CALN1: variants seen among roughly 807,000 people sequenced by gnomAD.
CALN1 encodes calcium-binding protein 8.
In CALN1, 17 loss-of-function variants were observed where a neutral mutation model predicts 30.6. That is an observed-to-expected ratio of 0.56 (90% CI 0.38 to 0.83). The LOEUF is 0.83. Ranked by LOEUF, CALN1 falls within the 40% of genes least tolerant of loss-of-function variation. The pLI is 0.00. For synonymous variants in CALN1, 156 were observed against 131.4 expected (o/e 1.19, Z -1.28); for missense variants, 291 against 354.9 (o/e 0.82, Z 1.45).
At chr7:72,313,981 C>A (rs531172310) in intron 2 of CALN1, among the ~76,000 whole-genome samples, 1 of 152,160 alleles carries the variant, frequency 6.6e-6, no homozygotes, top group Admixed American at 6.5e-5. Flanking sequence ...GACAACAGGG[C>A]AGACAGACAG....
intron 5 of CALN1, among the ~76,000 whole-genome samples, chr7:71,883,991 G>A (rs1031663315): frequency 2.6e-5 from 4 of 152,120 alleles, no homozygotes; most frequent in African/African-American, 9.7e-5. Flanking sequence ...TTGGCTCACT[G>A]CAATCTCCGC....
intron 5 of CALN1, among the ~76,000 whole-genome samples, chr7:71,847,388 G>A (rs1050121658): frequency 1.3e-5 from 2 of 151,956 alleles, no homozygotes; most frequent in African/African-American, 4.8e-5. Flanking sequence ...AGTGGCTCAC[G>A]CTTGTAATCC....
At chr7:72,249,578 G>GGGGC (rs1384344112) in intron 3 of CALN1, among the ~76,000 whole-genome samples, 1 of 152,024 alleles carries the variant, frequency 6.6e-6, no homozygotes. Context: ...GAGGCAGACA[G>GGGGC]ATCACTTGAG....
At chr7:72,396,594 G>A (rs755673515) in intron 2 of CALN1, among the ~76,000 whole-genome samples, 1 of 152,168 alleles carries the variant, frequency 6.6e-6, no homozygotes, top group African/African-American at 2.4e-5. Context: ...GTGGCAAGTG[G>A]TCCTTGGACT....
chr7:72,285,745 A>C (rs774098408), intron 2 of CALN1, among the ~76,000 whole-genome samples: 1 of 152,178 alleles, frequency 6.6e-6, no homozygotes, highest in Non-Finnish European at 1.5e-5. Flanking sequence ...AACTTTTTCA[A>C]AGAGCTTAAG....
chr7:72,461,525 G>A, the CALN1 span, among the ~76,000 whole-genome samples: 1 of 152,100 alleles, frequency 6.6e-6, no homozygotes, highest in African/African-American at 2.4e-5. Flanking sequence ...TGCAGCTGGA[G>A]GCCATTATCC....
chr7:71,847,207 T>TC (rs1240922519), intron 5 of CALN1, among the ~76,000 whole-genome samples: 1 of 151,868 alleles, frequency 6.6e-6, no homozygotes, highest in Admixed American at 6.6e-5. Context: ...TTTAGCTGTG[T>TC]CCCCCACTCA....
chr7:71,950,577 T>C (rs1462815804), intron 5 of CALN1, among the ~76,000 whole-genome samples: 7 of 152,066 alleles, frequency 4.6e-5, no homozygotes, highest in Admixed American at 4.6e-4. Flanking sequence ...TCATACTGAG[T>C]TCCTCCCTGA....
At chr7:72,323,477 T>C (rs10232132) in intron 2 of CALN1, among the ~76,000 whole-genome samples, 30,358 of 151,728 alleles carry the variant, frequency 0.2, 4,046 homozygotes, top group East Asian at 0.4. Context: ...CTGGCCAACA[T>C]AGTGAAATCC....
intron 5 of CALN1, among the ~76,000 whole-genome samples, chr7:71,989,413 T>C (rs1798833633): frequency 1.3e-5 from 2 of 149,424 alleles, no homozygotes; most frequent in South Asian, 4.2e-4. Flanking sequence ...TACTCCAGCC[T>C]GGGCAACGGA....
chr7:72,404,842 C>T (rs1320501443), intron 1 of CALN1, among the ~76,000 whole-genome samples: 3 of 152,180 alleles, frequency 2.0e-5, no homozygotes, highest in South Asian at 2.1e-4. Flanking sequence ...TAAATCTGCA[C>T]GCACAGTACC....
At chr7:72,006,912 A>T (rs962342754) in intron 5 of CALN1, among the ~76,000 whole-genome samples, 1 of 151,974 alleles carries the variant, frequency 6.6e-6, no homozygotes, top group African/African-American at 2.4e-5. Context: ...TAGCCCCTAC[A>T]CTCCTTCACA....
intron 3 of CALN1, among the ~76,000 whole-genome samples, chr7:72,178,651 T>C (rs1255584697): frequency 6.7e-6 from 1 of 149,974 alleles, no homozygotes; most frequent in Non-Finnish European, 1.5e-5. Context: ...ATCGCACTAA[T>C]GCACTCCAGC....
At chr7:72,240,235 C>G (rs1289006333) in intron 3 of CALN1, among the ~76,000 whole-genome samples, 1 of 151,284 alleles carries the variant, frequency 6.6e-6, no homozygotes, top group African/African-American at 2.4e-5. Context: ...TGCTTTGTAG[C>G]CCAAGCTGGA....
chr7:72,377,966 T>TC (rs1241224092), intron 2 of CALN1, among the ~76,000 whole-genome samples: 1 of 150,826 alleles, frequency 6.6e-6, no homozygotes, highest in African/African-American at 2.4e-5. Context: ...AGCCTGCCCC[T>TC]CCCCCTGCCC....
chr7:72,053,309 C>G (rs1490363434), intron 4 of CALN1, among the ~76,000 whole-genome samples: 1 of 152,206 alleles, frequency 6.6e-6, no homozygotes, highest in Non-Finnish European at 1.5e-5. Context: ...AAGTAAAAAG[C>G]ATGATTTTCA....
chr7:72,157,076 A>G (rs1282012956), intron 3 of CALN1, among the ~76,000 whole-genome samples: 1 of 152,246 alleles, frequency 6.6e-6, no homozygotes, highest in African/African-American at 2.4e-5. Flanking sequence ...ATTTATTAAC[A>G]AATACCAGCA....
intron 2 of CALN1, among the ~76,000 whole-genome samples, chr7:72,387,239 GGGGAGGGA>G (rs1287969567): frequency 2.8e-4 from 11 of 39,102 alleles, no homozygotes; most frequent in Non-Finnish European, 3.9e-4. Context: ...AGGGAAGGGA[GGGGAGGGA>G]GGGAGGGAGG....
chr7:71,808,197 A>G (rs938449197), intron 6 of CALN1, among the ~76,000 whole-genome samples: 1 of 152,084 alleles, frequency 6.6e-6, no homozygotes, highest in Non-Finnish European at 1.5e-5. Flanking sequence ...TATGATATTT[A>G]TTAAATGTTA....
Sources: allele counts gnomAD v4.1 joint callset (sites outside exome capture counted in the v4.1 genomes callset), GRCh38; gene constraint gnomAD v4.1.1; transcripts MANE v1.5; gene names NCBI Gene and HGNC (gene_info 2026-07-23, HGNC 2026-07-21).